PTPRD: variants seen among roughly 807,000 people sequenced by gnomAD.
PTPRD encodes protein tyrosine phosphatase receptor type D, also known as receptor-type tyrosine-protein phosphatase delta.
In PTPRD, 34 loss-of-function variants were observed where a neutral mutation model predicts 214.5. The observed-to-expected ratio is 0.16, with a 90% CI of 0.12 to 0.21. The LOEUF (loss-of-function observed/expected upper bound fraction) is 0.21, where lower values mean the gene tolerates loss of function less well. Ranked by LOEUF, PTPRD falls within the 10% of genes least tolerant of loss-of-function variation. The pLI is 1.00. For missense variants in PTPRD, 2,545 were observed against 2,398.7 expected (o/e 1.06, Z -1.27); for synonymous variants, 1,128 against 845.7 (o/e 1.33, Z -5.79).
chr9:8,558,905 G>A (rs150839765), intron 14 of PTPRD, among the ~76,000 whole-genome samples: 1 of 152,190 alleles, frequency 6.6e-6, no homozygotes, highest in Non-Finnish European at 1.5e-5. Flanking sequence ...TTCCTTTAGA[G>A]GTAATATATA....
At chr9:9,877,973 C>CAAAAA (rs758528718) in intron 5 of PTPRD, among the ~76,000 whole-genome samples, 3 of 70,648 alleles carry the variant, frequency 4.2e-5, no homozygotes, top group African/African-American at 1.0e-4. Flanking sequence ...AACTCCATCT[C>CAAAAA]AAAAAAAAAA....
At chr9:9,361,591 A>G (rs1596367041) in intron 9 of PTPRD, among the ~76,000 whole-genome samples, 1 of 151,036 alleles carries the variant, frequency 6.6e-6, no homozygotes, top group African/African-American at 2.4e-5. Context: ...TAAAGATCAA[A>G]TCAGTGTAAT....
intron 3 of PTPRD, among the ~76,000 whole-genome samples, chr9:10,070,442 G>A (rs1456246597): frequency 1.3e-5 from 2 of 151,912 alleles, no homozygotes; most frequent in Non-Finnish European, 2.9e-5. Flanking sequence ...AGCATTGAGA[G>A]TAATATTTAG....
At chr9:10,504,954 T>C (rs750175977) in intron 2 of PTPRD, among the ~76,000 whole-genome samples, 18 of 152,170 alleles carry the variant, frequency 1.2e-4, no homozygotes, top group Non-Finnish European at 8.8e-5. Context: ...CACTGGTGTA[T>C]CTGCTACAAC....
intron 11 of PTPRD, among the ~76,000 whole-genome samples, chr9:8,769,998 C>T (rs1599232069): frequency 6.6e-6 from 1 of 151,992 alleles, no homozygotes. Context: ...TTGAAAGTAC[C>T]GGTCAGGCAC....
chr9:9,941,212 G>C (rs973647740), intron 4 of PTPRD, among the ~76,000 whole-genome samples: 4 of 152,180 alleles, frequency 2.6e-5, no homozygotes, highest in African/African-American at 9.7e-5. Context: ...ATCATGCCTG[G>C]CTTCCTATAT....
chr9:8,384,056 C>T (rs889115577), intron 37 of PTPRD, among the ~76,000 whole-genome samples: 3 of 152,140 alleles, frequency 2.0e-5, no homozygotes, highest in African/African-American at 7.2e-5. Flanking sequence ...AACACTCACA[C>T]ACTAAATAAT....
rs2099752795 is a variant in PTPRD at position 9,077,359 on chromosome 9, G to A, written c.-142-58624C>T. Among the ~76,000 whole-genome samples, 3 of 105,414 alleles carry A rather than the reference G, an allele frequency of 2.8e-5. No individual in the cohort carries two copies. The South Asian group carries it at 8.4e-4, about 29-fold the overall frequency. The allele number at this position is 105,414 out of a possible 152,430, so 69.2% of individuals were successfully genotyped here. A position where few individuals can be genotyped will look rare whatever the true frequency, so the allele number is the denominator to read the frequency against. ...TCCATAGTTCATAGAAGCAGAATGG[G>A]GATGAATTCAGGTGACTGAAAATGT... On this transcript the variant is annotated intron_variant, in intron 10 of 45. Transcript: ENST00000381196.
chr9:8,710,787 C>CTT (rs776596037), intron 12 of PTPRD, among the ~76,000 whole-genome samples: 49 of 152,044 alleles, frequency 3.2e-4, no homozygotes, highest in Non-Finnish European at 6.0e-4. Context: ...ATTAAAAAGA[C>CTT]TTTATTTCTG....
chr9:8,320,065 G>GTATC, intron 44 of PTPRD, 99 bp from the exon 45 acceptor site: 2 of 1,410,276 alleles, frequency 1.4e-6, no homozygotes, highest in Admixed American at 2.5e-5. Context: ...TCCACACTCC[G>GTATC]TATCTCTTTA....
intron 11 of PTPRD, among the ~76,000 whole-genome samples, chr9:8,946,078 T>C (rs1026829329): frequency 1.3e-5 from 2 of 152,172 alleles, no homozygotes; most frequent in Admixed American, 1.3e-4. Flanking sequence ...GGAACATCCT[T>C]GCTAGCAAAA....
At chr9:8,929,721 A>ATATATATATGTG (rs1567060087) in intron 11 of PTPRD, among the ~76,000 whole-genome samples, 2 of 77,388 alleles carry the variant, frequency 2.6e-5, no homozygotes, top group African/African-American at 8.9e-5. Context: ...ATATATGTGT[A>ATATATATATGTG]TATATATATG....
At chr9:10,375,178 T>C (rs2097703734) in intron 2 of PTPRD, among the ~76,000 whole-genome samples, 2 of 152,068 alleles carry the variant, frequency 1.3e-5, no homozygotes, top group Non-Finnish European at 2.9e-5. Context: ...CACTTCTTAC[T>C]GGGGCAAGTA....
chr9:9,587,498 T>C (rs1015457150), intron 7 of PTPRD, among the ~76,000 whole-genome samples: 2 of 152,062 alleles, frequency 1.3e-5, no homozygotes, highest in African/African-American at 4.8e-5. Context: ...GGTAATTTAA[T>C]TGAAGTGCCC....
rs1296113423 is a variant in PTPRD, at chr9:8,948,516, TA to T, written c.-104+70180del. ...ATTTATATATATATTTATATATATA[TA>T]TTTATATATATATTTATATATATAT... On this transcript the variant is annotated intron_variant, in intron 11 of 45. Coordinates refer to ENST00000381196, the MANE Select transcript of PTPRD (RefSeq NM_002839.4). 7.2e-3 allele frequency among the ~76,000 whole-genome samples: 143 copies of T among 19,962 alleles called. 16 individuals are homozygous for T. Among genetic ancestry groups the T allele is most frequent in the African/African-American group, 0.011 (112 of 9,822 alleles). 13.1% of individuals were successfully genotyped at this position (19,962 alleles called of 152,430 possible).
At chr9:10,026,017 C>T (rs2096916294) in intron 4 of PTPRD, among the ~76,000 whole-genome samples, 1 of 152,204 alleles carries the variant, frequency 6.6e-6, no homozygotes, top group African/African-American at 2.4e-5. Context: ...AGCAATGGAT[C>T]TCAGTAGAGT....
intron 14 of PTPRD, among the ~76,000 whole-genome samples, chr9:8,538,950 GGAACAAGCAAGGAATGA>G (rs1224553991): frequency 1.3e-5 from 2 of 151,768 alleles, no homozygotes; most frequent in Non-Finnish European, 2.9e-5. Flanking sequence ...GAATGAGACT[GGAACAAGCAAGGAATGA>G]GAACAAGCAA....
At chr9:9,117,162 T>C (rs2099813144) in intron 10 of PTPRD, among the ~76,000 whole-genome samples, 1 of 152,052 alleles carries the variant, frequency 6.6e-6, no homozygotes, top group Non-Finnish European at 1.5e-5. Flanking sequence ...TAGCATGTTT[T>C]AACTGGAATC....
chr9:9,387,394 T>C (rs1285070591), intron 9 of PTPRD, among the ~76,000 whole-genome samples: 1 of 152,204 alleles, frequency 6.6e-6, no homozygotes, highest in Non-Finnish European at 1.5e-5. Flanking sequence ...GTTATTTCTT[T>C]TGAAATTAAA....
Sources: allele counts gnomAD v4.1 joint callset (sites outside exome capture counted in the v4.1 genomes callset), GRCh38; gene constraint gnomAD v4.1.1; transcripts MANE v1.5; gene names NCBI Gene and HGNC (gene_info 2026-07-23, HGNC 2026-07-21).